Variants in AGK observed in about 807,000 individuals in gnomAD.
AGK encodes the protein acylglycerol kinase, also known as acylglycerol kinase, mitochondrial.
In AGK, 52 loss-of-function variants were observed where a neutral mutation model predicts 66.4. The ratio of observed to expected loss-of-function variants is 0.78; its 90% confidence interval spans 0.63 to 0.99. The LOEUF is 0.99. Ranked by LOEUF, AGK falls within the 50% of genes least tolerant of loss-of-function variation. The pLI is 0.00. For synonymous variants in AGK, 182 were observed against 181.1 expected (o/e 1.00, Z -0.04); for missense variants, 451 against 506.6 (o/e 0.89, Z 1.05).
intron 9 of AGK, among the ~76,000 whole-genome samples, chr7:141,623,982 G>A (rs941042965): frequency 6.6e-6 from 1 of 151,862 alleles, no homozygotes; most frequent in Admixed American, 6.6e-5. Flanking sequence ...TGTATAACTG[G>A]AAAAACAAAT....
In AGK at chr7:141,576,847, C is replaced by T. The variant is rs184682441; in HGVS notation, c.102-16299C>T. Reference sequence around the variant, plus strand: ...AAGGTCAGGAGATCGAGACCATCCTCGCTAACACGGTGAAACCCCGTCTCT... The same window carrying T: ...AAGGTCAGGAGATCGAGACCATCCTTGCTAACACGGTGAAACCCCGTCTCT... On this transcript the variant is annotated intron_variant, in intron 2 of 15. Coordinates refer to ENST00000649286, the MANE Select transcript of AGK (RefSeq NM_018238.4). Among the ~76,000 whole-genome samples, 21 of 151,646 alleles carry T rather than the reference C, an allele frequency of 1.4e-4. No homozygotes were observed. The East Asian group carries it at 2.7e-3, about 20-fold the overall frequency.
chr7:141,644,530 T>C (rs759455021), intron 13 of AGK, among the ~76,000 whole-genome samples: 14 of 152,200 alleles, frequency 9.2e-5, no homozygotes, highest in Non-Finnish European at 1.9e-4. Context: ...TGTAGGAGTA[T>C]AGAATGTGTG....
intron 2 of AGK, among the ~76,000 whole-genome samples, chr7:141,560,756 TCTCCAA>T (rs1419288016): frequency 6.6e-6 from 1 of 151,798 alleles, no homozygotes; most frequent in Non-Finnish European, 1.5e-5. Context: ...AGAGTAATGG[TCTCCAA>T]CTCCATCCAG....
intron 2 of AGK, among the ~76,000 whole-genome samples, chr7:141,592,043 C>A (rs2116919811): frequency 6.6e-6 from 1 of 152,296 alleles, no homozygotes; most frequent in East Asian, 1.9e-4. Flanking sequence ...AAGACAGTAG[C>A]AGAAGAAACT....
At chr7:141,599,446 T>C (rs976322821) in intron 4 of AGK, 44 of 152,302 alleles carry the variant, frequency 2.9e-4, no homozygotes, top group African/African-American at 1.1e-3. Context: ...ATCTTTTATA[T>C]AGAAAATTAG....
In AGK at chr7:141,653,088, T is replaced by C; in HGVS notation, c.*164T>C. ...TCCAGCAGTGCTTCCCAAAGTGTGC[T>C]CTGTCACCTGCTTTGCAATCGGCTT... is the stretch of plus-strand genomic sequence containing the variant. On this transcript the variant is annotated 3_prime_UTR_variant, in exon 16 of 16. Transcript: ENST00000649286. 1 of 734,368 alleles carries C rather than the reference T, an allele frequency of 1.4e-6. No individual in the cohort carries two copies. The highest frequency in any genetic ancestry group is 2.2e-6 in the Non-Finnish European group (1 of 461,332). The allele number at this position is 734,368 out of a possible 1,614,324, so 45.5% of individuals were successfully genotyped here. A position where few individuals can be genotyped will look rare whatever the true frequency, so the allele number is the denominator to read the frequency against.
At chr7:141,589,067 C>A (rs893739419) in intron 2 of AGK, among the ~76,000 whole-genome samples, 1 of 152,132 alleles carries the variant, frequency 6.6e-6, no homozygotes, top group African/African-American at 2.4e-5. Flanking sequence ...GCCCTACCTC[C>A]TGGGAATGCA....
intron 2 of AGK, among the ~76,000 whole-genome samples, chr7:141,580,160 A>G (rs1795850155): frequency 6.6e-6 from 1 of 152,114 alleles, no homozygotes; most frequent in South Asian, 2.1e-4. Flanking sequence ...GGTGCAGGAT[A>G]TGGAAGGCAT....
intron 10 of AGK, 94 bp from the exon 11 acceptor site, chr7:141,636,866 T>C: frequency 1.0e-6 from 1 of 994,750 alleles, no homozygotes; most frequent in South Asian, 1.5e-5. Flanking sequence ...ATAGCAGAGA[T>C]GTAATTCTAA....
At chr7:141,577,899 A>C (rs1217506509) in intron 2 of AGK, among the ~76,000 whole-genome samples, 1 of 149,114 alleles carries the variant, frequency 6.7e-6, no homozygotes, top group African/African-American at 2.5e-5. Context: ...GCTCACTGCA[A>C]CCTCCCAGGT....
At chr7:141,580,267 G>C (rs1004610566) in intron 2 of AGK, among the ~76,000 whole-genome samples, 1 of 151,846 alleles carries the variant, frequency 6.6e-6, no homozygotes. Context: ...GTAGTGGAGT[G>C]GGGGCAGAGT....
chr7:141,563,993 C>T (rs1301560986), intron 2 of AGK, among the ~76,000 whole-genome samples: 1 of 152,164 alleles, frequency 6.6e-6, no homozygotes, highest in Non-Finnish European at 1.5e-5. Flanking sequence ...TGGGATCTCG[C>T]TCTGTCACCC....
chr7:141,602,531 A>G (rs1431931558), intron 5 of AGK, among the ~76,000 whole-genome samples: 1 of 151,942 alleles, frequency 6.6e-6, no homozygotes, highest in Admixed American at 6.6e-5. Context: ...AGCATATGTA[A>G]TGTCTCATTT....
chr7:141,652,962 C>G lies in AGK; in HGVS notation c.*38C>G, dbSNP rs770896533. 1 of 1,610,892 alleles carries G rather than the reference C, an allele frequency of 6.2e-7. No individual in the cohort carries two copies. The highest frequency in any genetic ancestry group is 8.5e-7 in the Non-Finnish European group (1 of 1,178,640). ...AAGCACTCTGAGACCACACTTTAGG[C>G]CACCGGTGGGACCAAAAGGGAACAG... On this transcript the variant is annotated 3_prime_UTR_variant, in exon 16 of 16. Transcript: ENST00000649286.
intron 13 of AGK, 169 bp from the exon 14 acceptor site, chr7:141,649,094 G>GAAAA (rs34553236): frequency 2.2e-5 from 7 of 316,608 alleles, no homozygotes; most frequent in African/African-American, 1.1e-4. Context: ...AGCTCTTTGT[G>GAAAA]AAAAAAAAAA....
chr7:141,596,957 A>G (rs1002382698), intron 4 of AGK: 2 of 241,012 alleles, frequency 8.3e-6, no homozygotes, highest in Non-Finnish European at 1.6e-5. Flanking sequence ...TCCTTAGGCC[A>G]TCTCTGTCCA....
At chr7:141,552,765 G>A (rs529751383) in intron 1 of AGK, among the ~76,000 whole-genome samples, 1 of 152,258 alleles carries the variant, frequency 6.6e-6, no homozygotes, top group South Asian at 2.1e-4. Flanking sequence ...AGTGAGAGGT[G>A]CTCATCCTGT....
chr7:141,604,374 GTATATATATATATATATA>G (rs368893843), intron 5 of AGK, among the ~76,000 whole-genome samples: 5 of 113,826 alleles, frequency 4.4e-5, no homozygotes, highest in African/African-American at 1.0e-4. Flanking sequence ...GTGTGTGTGT[GTATATATATATATATATA>G]TATATATATA....
chr7:141,575,347 T>C (rs1035954394), intron 2 of AGK, among the ~76,000 whole-genome samples: 4 of 152,136 alleles, frequency 2.6e-5, no homozygotes, highest in African/African-American at 7.2e-5. Flanking sequence ...CTAGGTCAAT[T>C]AGTTATTTTC....
Sources: allele counts gnomAD v4.1 joint callset (sites outside exome capture counted in the v4.1 genomes callset), GRCh38; gene constraint gnomAD v4.1.1; transcripts MANE v1.5; gene names NCBI Gene and HGNC (gene_info 2026-07-23, HGNC 2026-07-21).